The following GPR27 variants were observed in gnomAD, a reference collection of about 807,000 sequenced individuals.
The protein encoded by GPR27 is probable G protein-coupled receptor 27.
Under a neutral mutation model 2.4 loss-of-function variants are expected in GPR27, and 3 were observed. The observed-to-expected ratio is 1.23, with a 90% CI of 0.56 to 3.18. GPR27 has a LOEUF of 3.18. Ranked by LOEUF, GPR27 falls within the 30% of genes most tolerant of loss-of-function variation. GPR27 has a pLI of 0.03. For synonymous variants in GPR27, 367 were observed against 296.4 expected (o/e 1.24, Z -2.45); for missense variants, 526 against 566.1 (o/e 0.93, Z 0.72).
In GPR27 at chr3:71,754,337, G is replaced by A. The variant is rs1279450496; in HGVS notation, c.288G>A (p.Lys96=). ...CGCCGCCGGGCGCGCTGGGCTGCAA[G>A]CTGCTCGCCTTCCTGGCCGCGCTCT... is the stretch of plus-strand genomic sequence containing the variant. ...AGAPPGALGC[K]LLAFLAALFC... The change falls in exon 1 of 1, where the codon AAG becomes AAA. Residue 96 remains lysine (K), a synonymous_variant. Coordinates refer to ENST00000304411, the MANE Select transcript of GPR27 (RefSeq NM_018971.3). The surrounding 1 kb of genome is among the most constrained non-coding windows in gnomAD (Gnocchi z 5.8). 7.9e-7 allele frequency: 1 copy of A among 1,273,336 alleles called. No homozygotes were observed. Among genetic ancestry groups the A allele is most frequent in the Admixed American group, 2.9e-5 (1 of 34,692 alleles). 78.9% of individuals were successfully genotyped at this position (1,273,336 alleles called of 1,614,324 possible).
In GPR27 at chr3:71,754,893, C is replaced by G; in HGVS notation, c.844C>G (p.Leu282Val). 6.2e-7 allele frequency: 1 copy of G among 1,611,156 alleles called. No individual in the cohort carries two copies. The stretch of plus-strand genomic sequence containing the variant: ...GGAAGAATTCAAGACGGAGAAGAGG[C>G]TGTGCAAGATGTTCTACGCCGTCAC... ...VLEEFKTEKRLCKMFYAVTLL... is the reference protein window; with the variant it reads ...VLEEFKTEKRVCKMFYAVTLL... Residue 282 changes from leucine to valine, a missense_variant, in exon 1 of 1, where the codon CTG becomes GTG. By Grantham distance (32) the Leu-to-Val change is conservative. This residue lies in a region of GPR27 where 98 missense variants were observed against 146.7 expected (regional missense o/e 0.67). Transcript: ENST00000304411. The surrounding 1 kb of genome is among the most constrained non-coding windows in gnomAD (Gnocchi z 5.8).
chr3:71,755,420 C>CCTTTTTGTAGCGGTA lies in GPR27; in HGVS notation c.*245_*246insTTTTGTAGCGGTACT. Reference sequence around the variant, plus strand: ...CTCGACTTTCTTCCTGACAATAGGCCCTGCAGTCTTTTTGTAGCGGTACTG... The same window carrying CCTTTTTGTAGCGGTA: ...CTCGACTTTCTTCCTGACAATAGGCCCTTTTTGTAGCGGTACTGCAGTCTTTTTGTAGCGGTACTG... On this transcript the variant is annotated 3_prime_UTR_variant, in exon 1 of 1. Transcript: ENST00000304411. The CCTTTTTGTAGCGGTA allele has an allele frequency of 5.6e-6, 3 of 531,070 alleles. No homozygotes were observed. In the South Asian group the frequency reaches 8.6e-5, roughly 15 times the overall value. The allele number at this position is 531,070 out of a possible 1,614,324, so 32.9% of individuals were successfully genotyped here. A position where few individuals can be genotyped will look rare whatever the true frequency, so the allele number is the denominator to read the frequency against.
chr3:71,755,133 A>T lies in GPR27; in HGVS notation c.1084A>T (p.Thr362Ser). 1 of 1,608,052 alleles carries T rather than the reference A, an allele frequency of 6.2e-7. No homozygotes were observed. Among genetic ancestry groups the T allele is most frequent in the South Asian group, 1.1e-5 (1 of 90,872 alleles). The change falls in exon 1 of 1, where the codon ACC becomes TCC. Residue 362 changes from threonine (T) to serine (S), a missense_variant. Transcript: ENST00000304411. ...QFPCCQSPRT[T>S]QATHPCDLKG... The stretch of plus-strand genomic sequence containing the variant: ...CCCCTGCTGCCAGAGCCCCCGGACC[A>T]CCCAGGCGACCCATCCCTGCGACCT...
In GPR27 at chr3:71,753,946, T is replaced by A. The variant is rs2049968144; in HGVS notation, c.-104T>A. The A allele has an allele frequency of 4.9e-6, 5 of 1,015,926 alleles. No individual in the cohort carries two copies. The highest frequency in any genetic ancestry group is 5.9e-6 in the Non-Finnish European group (5 of 851,566). 62.9% of individuals were successfully genotyped at this position (1,015,926 alleles called of 1,614,324 possible). A position where few individuals can be genotyped will look rare whatever the true frequency, so the allele number is the denominator to read the frequency against. ...GGCTGAGCCCCGCAGGACGGGGAGC[T>A]CGCCCAGGGCCGGCGGAGCGGCGGA... On this transcript the variant is annotated 5_prime_UTR_variant, in exon 1 of 1. Coordinates refer to ENST00000304411, the MANE Select transcript of GPR27 (RefSeq NM_018971.3).
chr3:71,755,235 C>G lies in GPR27; in HGVS notation c.*58C>G, dbSNP rs2049990802. The stretch of plus-strand genomic sequence containing the variant: ...CCTTTCCCTTTGGCTCGGACGGTGA[C>G]GTTGTATCTTTTCCTTCTGGCCCCT... On this transcript the variant is annotated 3_prime_UTR_variant, in exon 1 of 1. Coordinates refer to ENST00000304411, the MANE Select transcript of GPR27 (RefSeq NM_018971.3). 9.7e-6 allele frequency: 13 copies of G among 1,338,574 alleles called. No homozygotes were observed. Among genetic ancestry groups the G allele is most frequent in the Non-Finnish European group, 1.3e-5 (13 of 988,662 alleles). The allele number at this position is 1,338,574 out of a possible 1,614,324, so 82.9% of individuals were successfully genotyped here.
At position 71,754,702 on chromosome 3, in the gene GPR27, G is replaced by A; in HGVS notation, c.653G>A (p.Arg218His). The A allele has an allele frequency of 6.7e-7, 1 of 1,489,366 alleles. No individual in the cohort carries two copies. Among genetic ancestry groups the A allele is most frequent in the South Asian group, 1.2e-5 (1 of 81,862 alleles). The allele number at this position is 1,489,366 out of a possible 1,614,324, so 92.3% of individuals were successfully genotyped here. Residue 218 changes from arginine (R) to histidine (H), a missense_variant, in exon 1 of 1, where the codon CGC becomes CAC. Physicochemically the swap from Arg to His is conservative, Grantham distance 29 (BLOSUM62 0). Around this residue, in one of 3 missense-constraint regions of GPR27, gnomAD observed 98 missense variants for 146.7 expected, o/e 0.67. Transcript: ENST00000304411. The surrounding 1 kb of genome is among the most constrained non-coding windows in gnomAD (Gnocchi z 5.8). ...GACCGCCGCAAGATGCGGCCCGCGC[G>A]CCTGGTGCCCGCCGTCAGCCACGAC... ...IHDRRKMRPARLVPAVSHDWT... is the reference protein window; with the variant it reads ...IHDRRKMRPAHLVPAVSHDWT...
Position 71,754,672 on chromosome 3 carries a change from T to C in GPR27, c.623T>C (p.Ile208Thr). The C allele has an allele frequency of 6.7e-7, 1 of 1,498,550 alleles. No individual in the cohort carries two copies. The highest frequency in any genetic ancestry group is 8.9e-7 in the Non-Finnish European group (1 of 1,129,394). The allele number at this position is 1,498,550 out of a possible 1,614,324, so 92.8% of individuals were successfully genotyped here. The change falls in exon 1 of 1, where the codon ATC becomes ACC. Residue 208 changes from isoleucine (I) to threonine (T), a missense_variant. Ile to Thr is a moderately conservative substitution (Grantham distance 89). Transcript: ENST00000304411. This position sits in a 1 kb window ranked among gnomAD's most constrained non-coding sequence, Gnocchi z 5.8. The stretch of plus-strand genomic sequence containing the variant: ...GTCTACCTCCGCCTGCTCTTCTTCA[T>C]CCACGACCGCCGCAAGATGCGGCCC... ...HLVYLRLLFF[I>T]HDRRKMRPAR...
At position 71,754,247 on chromosome 3, in the gene GPR27, G is replaced by T. The variant is rs772141872; in HGVS notation, c.198G>T (p.Leu66=). 2 of 1,284,392 alleles carry T rather than the reference G, an allele frequency of 1.6e-6. No homozygotes were observed. Among genetic ancestry groups the T allele is most frequent in the Admixed American group, 4.8e-5 (2 of 41,310 alleles). 79.6% of individuals were successfully genotyped at this position (1,284,392 alleles called of 1,614,324 possible). The change falls in exon 1 of 1, where the codon CTG becomes CTT. Residue 66 remains leucine, a synonymous_variant. Coordinates refer to ENST00000304411, the MANE Select transcript of GPR27 (RefSeq NM_018971.3). This position sits in a 1 kb window ranked among gnomAD's most constrained non-coding sequence, Gnocchi z 5.8. ...LLLDLCLADG[L]RALACLPAVM... ...TCGACCTGTGCCTGGCCGACGGGCT[G>T]CGCGCGCTCGCCTGCCTCCCGGCCG...
chr3:71,753,916 G>A lies in GPR27; in HGVS notation c.-134G>A, dbSNP rs1409665783. The A allele has an allele frequency of 1.6e-4, 152 of 976,426 alleles. No individual in the cohort carries two copies. Among genetic ancestry groups the A allele is most frequent in the Non-Finnish European group, 1.8e-4 (147 of 817,438 alleles). 60.5% of individuals were successfully genotyped at this position (976,426 alleles called of 1,614,324 possible). A position where few individuals can be genotyped will look rare whatever the true frequency, so the allele number is the denominator to read the frequency against. On this transcript the variant is annotated 5_prime_UTR_variant, in exon 1 of 1. Coordinates refer to ENST00000304411, the MANE Select transcript of GPR27 (RefSeq NM_018971.3). ...GGGGAGCCCAGGAGGGGCCGGCCGG[G>A]AGCGGGCTGAGCCCCGCAGGACGGG...
rs1324574686 is a variant in GPR27, at chr3:71,754,538, T to G, written c.489T>G (p.Gly163=). 2 of 1,345,702 alleles carry G rather than the reference T, an allele frequency of 1.5e-6. No individual in the cohort carries two copies. The highest frequency in any genetic ancestry group is 6.5e-5 in the East Asian group (2 of 30,730). 83.4% of individuals were successfully genotyped at this position (1,345,702 alleles called of 1,614,324 possible). The part of the protein sequence containing the change: ...AAAFPPVLDG[G]GDDEDAPCAL... ...CCTTCCCGCCAGTGCTGGACGGCGG[T>G]GGCGACGACGAGGACGCGCCGTGCG... Residue 163 remains glycine, a synonymous_variant, in exon 1 of 1, where the codon GGT becomes GGG. Transcript: ENST00000304411. This position sits in a 1 kb window ranked among gnomAD's most constrained non-coding sequence, Gnocchi z 5.8.
Position 71,755,035 on chromosome 3 carries a change from C to T in GPR27, c.986C>T (p.Ala329Val). ...ACGGCCTCCGTGTGGCTGACCTTCG[C>T]GCAGGCCGGCATCAACCCCGTCGTG... is the stretch of plus-strand genomic sequence containing the variant. ...YLTASVWLTF[A>V]QAGINPVVCF... Residue 329 changes from alanine to valine, a missense_variant, in exon 1 of 1, where the codon GCG becomes GTG. By Grantham distance (64) the Ala-to-Val change is moderately conservative (BLOSUM62 0). This residue lies in a region of GPR27 where 116 missense variants were observed against 100.9 expected (regional missense o/e 1.15). Coordinates refer to ENST00000304411, the MANE Select transcript of GPR27 (RefSeq NM_018971.3). The T allele has an allele frequency of 1.9e-6, 3 of 1,612,624 alleles. No individual in the cohort carries two copies. Among genetic ancestry groups the T allele is most frequent in the Middle Eastern group, 1.6e-4 (1 of 6,062 alleles).
chr3:71,754,725 G>A lies in GPR27; in HGVS notation c.676G>A (p.Asp226Asn), dbSNP rs747921549. Reference protein sequence around the residue: ...PARLVPAVSHDWTFHGPGATG... With the variant: ...PARLVPAVSHNWTFHGPGATG... ...GCGCCTGGTGCCCGCCGTCAGCCAC[G>A]ACTGGACCTTCCACGGCCCGGGCGC... Residue 226 changes from aspartate (D) to asparagine (N), a missense_variant, in exon 1 of 1, where the codon GAC (aspartate) becomes AAC (asparagine). Physicochemically the swap from Asp to Asn is conservative, Grantham distance 23. Coordinates refer to ENST00000304411, the MANE Select transcript of GPR27 (RefSeq NM_018971.3). The surrounding 1 kb of genome is among the most constrained non-coding windows in gnomAD (Gnocchi z 5.8). 16 of 1,469,806 alleles carry A rather than the reference G, an allele frequency of 1.1e-5. No individual in the cohort carries two copies. The highest frequency in any genetic ancestry group is 1.3e-5 in the Non-Finnish European group (15 of 1,112,980). The allele number at this position is 1,469,806 out of a possible 1,614,324, so 91.0% of individuals were successfully genotyped here.
In GPR27 at chr3:71,754,882, C is replaced by G. The variant is rs773053190; in HGVS notation, c.833C>G (p.Thr278Arg). 41 of 1,576,800 alleles carry G rather than the reference C, an allele frequency of 2.6e-5. No homozygotes were observed. Among genetic ancestry groups the G allele is most frequent in the Non-Finnish European group, 3.4e-5 (39 of 1,157,458 alleles). Residue 278 changes from threonine to arginine, a missense_variant, in exon 1 of 1, where the codon ACG becomes AGG. By Grantham distance (71) the Thr-to-Arg change is moderately conservative. Transcript: ENST00000304411. The surrounding 1 kb of genome is among the most constrained non-coding windows in gnomAD (Gnocchi z 5.8). ...CTCCTCGTGCTGGAAGAATTCAAGA[C>G]GGAGAAGAGGCTGTGCAAGATGTTC... The part of the protein sequence containing the change: ...RRLLVLEEFK[T>R]EKRLCKMFYA...
Position 71,754,096 on chromosome 3 carries a change from C to A in GPR27, c.47C>A (p.Ala16Asp). Reference protein sequence around the residue: ...EPGGSGGGEAAALGLKLATLS... With the variant: ...EPGGSGGGEADALGLKLATLS... ...GGTGGCAGCGGCGGCGGCGAGGCGGCCGCCCTGGGCCTCAAGCTGGCCACG... is the reference window on the plus strand; with the variant it reads ...GGTGGCAGCGGCGGCGGCGAGGCGGACGCCCTGGGCCTCAAGCTGGCCACG... The change falls in exon 1 of 1, where the codon GCC becomes GAC. Residue 16 changes from alanine (A) to aspartate (D), a missense_variant. By Grantham distance (126) the Ala-to-Asp change is moderately radical. Coordinates refer to ENST00000304411, the MANE Select transcript of GPR27 (RefSeq NM_018971.3). The surrounding 1 kb of genome is among the most constrained non-coding windows in gnomAD (Gnocchi z 5.8). 7.3e-7 allele frequency: 1 copy of A among 1,363,048 alleles called. No homozygotes were observed. Among genetic ancestry groups the A allele is most frequent in the Non-Finnish European group, 9.5e-7 (1 of 1,048,270 alleles). The allele number at this position is 1,363,048 out of a possible 1,614,324, so 84.4% of individuals were successfully genotyped here. A position where few individuals can be genotyped will look rare whatever the true frequency, so the allele number is the denominator to read the frequency against.
At position 71,754,406 on chromosome 3, in the gene GPR27, C is replaced by A; in HGVS notation, c.357C>A (p.Thr119=). ...TCCTGCTGCTGGGCGTGGGCGTCAC[C>A]CGCTACCTGGCCATCGCGCACCACC... ...AAFLLLGVGV[T]RYLAIAHHRF... is the part of the protein sequence containing the mutation. Residue 119 remains threonine (T), a synonymous_variant, in exon 1 of 1, where the codon ACC becomes ACA. Transcript: ENST00000304411. The surrounding 1 kb of genome is among the most constrained non-coding windows in gnomAD (Gnocchi z 5.8). 1.5e-6 allele frequency: 2 copies of A among 1,348,682 alleles called. No homozygotes were observed. Among genetic ancestry groups the A allele is most frequent in the South Asian group, 1.7e-5 (1 of 58,460 alleles). The allele number at this position is 1,348,682 out of a possible 1,614,324, so 83.5% of individuals were successfully genotyped here.
rs1219234922 is a variant in GPR27, at chr3:71,755,319, C to T, written c.*142C>T. ...GAAGTGGACAGACACTTGGATTGTA[C>T]TGACTCCTTTGGGGGTGGGGTGGGT... On this transcript the variant is annotated 3_prime_UTR_variant, in exon 1 of 1. Transcript: ENST00000304411. 1.4e-6 allele frequency: 1 copy of T among 721,656 alleles called. No individual in the cohort carries two copies. The highest frequency in any genetic ancestry group is 2.9e-5 in the Admixed American group (1 of 34,840). 44.7% of individuals were successfully genotyped at this position (721,656 alleles called of 1,614,324 possible). A position where few individuals can be genotyped will look rare whatever the true frequency, so the allele number is the denominator to read the frequency against.
In GPR27 at chr3:71,754,496, G is replaced by A; in HGVS notation, c.447G>A (p.Ala149=). Reference sequence around the variant, plus strand: ...CCATGCTGGTGTGCGCCGCCTGGGCGCTGGCGCTGGCCGCGGCCTTCCCGC... The same window carrying A: ...CCATGCTGGTGTGCGCCGCCTGGGCACTGGCGCTGGCCGCGGCCTTCCCGC... ...CAAMLVCAAW[A]LALAAAFPPV... Residue 149 remains alanine, a synonymous_variant, in exon 1 of 1, where the codon GCG becomes GCA. Transcript: ENST00000304411. The surrounding 1 kb of genome is among the most constrained non-coding windows in gnomAD (Gnocchi z 5.8). 7.8e-7 allele frequency: 1 copy of A among 1,287,026 alleles called. No individual in the cohort carries two copies. Among genetic ancestry groups the A allele is most frequent in the Non-Finnish European group, 9.8e-7 (1 of 1,018,540 alleles). 79.7% of individuals were successfully genotyped at this position (1,287,026 alleles called of 1,614,324 possible). A position where few individuals can be genotyped will look rare whatever the true frequency, so the allele number is the denominator to read the frequency against.
Position 71,755,266 on chromosome 3 carries a change from AT to A in GPR27, c.*93del. 9.1e-7 allele frequency: 1 copy of A among 1,093,534 alleles called. No individual in the cohort carries two copies. The highest frequency in any genetic ancestry group is 1.3e-6 in the Non-Finnish European group (1 of 777,404). The allele number at this position is 1,093,534 out of a possible 1,614,324, so 67.7% of individuals were successfully genotyped here. ...ATCTTTTCCTTCTGGCCCCTGTTTA[AT>A]TTTCTAAGCTGCCTTCAAAATGACT... On this transcript the variant is annotated 3_prime_UTR_variant, in exon 1 of 1. Coordinates refer to ENST00000304411, the MANE Select transcript of GPR27 (RefSeq NM_018971.3).
chr3:71,755,163 G>A lies in GPR27; in HGVS notation c.1114G>A (p.Gly372Ser). ...GGCGACCCATCCCTGCGACCTGAAA[G>A]GCATTGGTTTATGAGGGAGGCCCCG... ...TQATHPCDLK[G>S]IGL is the part of the protein sequence containing the mutation. Residue 372 changes from glycine (G) to serine (S), a missense_variant, in exon 1 of 1, where the codon GGC becomes AGC. Physicochemically the swap from Gly to Ser is moderately conservative, Grantham distance 56. Transcript: ENST00000304411. 6.2e-7 allele frequency: 1 copy of A among 1,603,796 alleles called. No homozygotes were observed. The highest frequency in any genetic ancestry group is 1.1e-5 in the South Asian group (1 of 90,488).
Sources: gnomAD v4.1 joint callset for allele counts on GRCh38, gnomAD v4.1.1 for gene constraint, gnomAD v4.1.1 regional missense constraint, Gnocchi (gnomAD v3.1) non-coding constraint, MANE v1.5 for transcripts, NCBI Gene and HGNC (gene_info 2026-07-23, HGNC 2026-07-21) for gene names.